Variants in CPS1 observed in about 807,000 individuals in gnomAD.
CPS1 encodes carbamoyl-phosphate synthase [ammonia], mitochondrial.
Under a neutral mutation model 174.6 loss-of-function variants are expected in CPS1, and 109 were observed. The observed-to-expected ratio is 0.62, with a 90% CI of 0.53 to 0.73. The LOEUF (loss-of-function observed/expected upper bound fraction) is 0.73, where lower values mean the gene tolerates loss of function less well. Ranked by LOEUF, CPS1 falls within the 30% of genes least tolerant of loss-of-function variation. The pLI is 0.00. For missense variants in CPS1, 1,689 were observed against 1,821.9 expected, an observed-to-expected ratio of 0.93 and a Z score of 1.33; for synonymous variants, 637 against 632.0, an observed-to-expected ratio of 1.01 and a Z score of -0.12.
rs1016163985 is a variant in CPS1, at chr2:210,650,695, A to G, written c.3480+257A>G. Among the ~76,000 whole-genome samples the G allele has an allele frequency of 5.9e-5, 9 of 152,258 alleles. No homozygotes were observed. The East Asian group carries it at 1.5e-3, about 26-fold the overall frequency. On this transcript the variant is annotated intron_variant, in intron 28 of 37. Transcript: ENST00000233072. ...TGGAAAAAGAGGAATACCTGTGCAT[A>G]TTTTATCAAAACAGATTTTAGACTC... is the stretch of plus-strand genomic sequence containing the variant.
At chr2:210,494,897 C>CT (rs1694954284) in intron 1 of CPS1, among the ~76,000 whole-genome samples, 6 of 152,176 alleles carry the variant, frequency 3.9e-5, no homozygotes, top group Admixed American at 1.3e-4. Flanking sequence ...GCATGCAACA[C>CT]TGATGCTTGA....
At chr2:210,590,703 C>A (rs868494658) in intron 8 of CPS1, 97 bp from the exon 9 acceptor site, 1 of 894,118 alleles carries the variant, frequency 1.1e-6, no homozygotes, top group Non-Finnish European at 1.8e-6. Flanking sequence ...ATTCTCTTTA[C>A]CTTCTTAAGA....
In CPS1 at chr2:210,642,164, G is replaced by T. The variant is rs554340932; in HGVS notation, c.2960-320G>T. On this transcript the variant is annotated intron_variant, in intron 24 of 37. Transcript: ENST00000233072. ...TTCACTTTGAATTTCTTTTCAGTAA[G>T]TGAGGGTTATTTTTATCATTAAAAT... Among the ~76,000 whole-genome samples, 20 of 152,296 alleles carry T rather than the reference G, an allele frequency of 1.3e-4. No individual in the cohort carries two copies. The South Asian group carries it at 3.1e-3, about 24-fold the overall frequency.
At chr2:210,522,073 G>T (rs1483702209) in intron 1 of CPS1, among the ~76,000 whole-genome samples, 1 of 151,872 alleles carries the variant, frequency 6.6e-6, no homozygotes, top group Non-Finnish European at 1.5e-5. Context: ...TGTGAATTAG[G>T]AGGTCTTTTA....
chr2:210,482,597 G>A (rs1456675597), intron 1 of CPS1, among the ~76,000 whole-genome samples: 1 of 151,918 alleles, frequency 6.6e-6, no homozygotes, highest in African/African-American at 2.4e-5. Context: ...GCTCCCACCT[G>A]AATCTTAATC....
chr2:210,522,836 A>G (rs575251013), intron 1 of CPS1, among the ~76,000 whole-genome samples: 2 of 152,022 alleles, frequency 1.3e-5, no homozygotes, highest in Non-Finnish European at 2.9e-5. Flanking sequence ...TTGGGTTCTT[A>G]TGAGCAGGTA....
intron 1 of CPS1, among the ~76,000 whole-genome samples, chr2:210,538,909 G>A (rs898888079): frequency 6.6e-6 from 1 of 151,872 alleles, no homozygotes; most frequent in Non-Finnish European, 1.5e-5. Context: ...CTCTATCAGA[G>A]GAAAAATTTA....
rs547733021 is a variant in CPS1, at chr2:210,637,187, A to G, written c.2688-515A>G. On this transcript the variant is annotated intron_variant, in intron 21 of 37. Transcript: ENST00000233072. ...GGAGAGAGGGAAGACAAAAGCAGGTAACAAAGGGTAGAGCCGTGGGTAGGG... is the reference window on the plus strand; with the variant it reads ...GGAGAGAGGGAAGACAAAAGCAGGTGACAAAGGGTAGAGCCGTGGGTAGGG... 1.2e-4 allele frequency among the ~76,000 whole-genome samples: 19 copies of G among 152,318 alleles called. No homozygotes were observed. The East Asian group carries it at 3.7e-3, about 29-fold the overall frequency.
At chr2:210,620,452 A>T (rs1243708312) in intron 21 of CPS1, among the ~76,000 whole-genome samples, 2 of 152,082 alleles carry the variant, frequency 1.3e-5, no homozygotes, top group African/African-American at 4.8e-5. Flanking sequence ...GGATAGGTGT[A>T]TTAGGCCATT....
intron 13 of CPS1, among the ~76,000 whole-genome samples, chr2:210,596,311 C>T (rs1464064950): frequency 1.3e-5 from 2 of 151,844 alleles, no homozygotes; most frequent in African/African-American, 2.4e-5. Context: ...TCAGGCCATT[C>T]GGAGGCAATG....
At chr2:210,628,278 C>A (rs902281100) in intron 21 of CPS1, among the ~76,000 whole-genome samples, 3 of 152,086 alleles carry the variant, frequency 2.0e-5, no homozygotes, top group African/African-American at 7.2e-5. Context: ...TCTATGTCTT[C>A]TTATGAAAAA....
intron 4 of CPS1, among the ~76,000 whole-genome samples, chr2:210,579,245 T>C (rs1697825565): frequency 6.6e-6 from 1 of 152,128 alleles, no homozygotes; most frequent in Non-Finnish European, 1.5e-5. Flanking sequence ...CAAAGAACCT[T>C]AAAACAAATG....
rs753583101 is a variant in CPS1, at chr2:210,592,980, T to C, written c.1164+24T>C. On this transcript the variant is annotated intron_variant, in intron 11 of 37. Transcript: ENST00000233072. ...AGGTACGTCAAAAAGATGAGGCCTA[T>C]TATGTATGCAAAAAAAAAATGTATT... The C allele has an allele frequency of 6.9e-6, 11 of 1,595,270 alleles. No individual in the cohort carries two copies. The Admixed American group carries it at 1.8e-4, about 27-fold the overall frequency.
intron 34 of CPS1, 100 bp downstream of exon 34, chr2:210,668,384 T>C: frequency 1.1e-6 from 1 of 877,022 alleles, no homozygotes; most frequent in Non-Finnish European, 2.0e-6. Context: ...GGGAGATTTG[T>C]TTTACGTTTC....
intron 34 of CPS1, among the ~76,000 whole-genome samples, chr2:210,670,488 G>A (rs968307225): frequency 2.7e-4 from 26 of 98,030 alleles, no homozygotes; most frequent in Admixed American, 6.5e-4. Context: ...CATAGCAATT[G>A]CAGATAAAGT....
At chr2:210,674,319 CA>C (rs1282510950) in intron 34 of CPS1, 1 of 152,140 alleles carries the variant, frequency 6.6e-6, no homozygotes. Context: ...ACTAAAAATA[CA>C]AAATTAGCTG....
chr2:210,663,816 C>G (rs892103380), intron 33 of CPS1, among the ~76,000 whole-genome samples: 1 of 152,014 alleles, frequency 6.6e-6, no homozygotes, highest in South Asian at 2.1e-4. Flanking sequence ...AAAGTTCTCT[C>G]CATGTCAGTG....
At chr2:210,646,239 A>C (rs1172942703) in intron 25 of CPS1, among the ~76,000 whole-genome samples, 1 of 152,192 alleles carries the variant, frequency 6.6e-6, no homozygotes, top group African/African-American at 2.4e-5. Context: ...AACATTAACA[A>C]CACTGCTGAT....
At chr2:210,587,141 C>T (rs1343487026) in intron 6 of CPS1, among the ~76,000 whole-genome samples, 4 of 151,914 alleles carry the variant, frequency 2.6e-5, no homozygotes, top group Non-Finnish European at 5.9e-5. Flanking sequence ...ATTTTTTCCT[C>T]AACTACAGTC....
Sources: allele counts gnomAD v4.1 joint callset (sites outside exome capture counted in the v4.1 genomes callset), GRCh38; gene constraint gnomAD v4.1.1; transcripts MANE v1.5; gene names NCBI Gene and HGNC (gene_info 2026-07-23, HGNC 2026-07-21).